The following PTPRD variants were observed in gnomAD, a reference collection of about 807,000 sequenced individuals.
PTPRD encodes protein tyrosine phosphatase receptor type D, also known as receptor-type tyrosine-protein phosphatase delta.
In PTPRD, 34 loss-of-function variants were observed where a neutral mutation model predicts 214.5. The observed-to-expected ratio is 0.16, with a 90% confidence interval of 0.12 to 0.21. The LOEUF is 0.21. PTPRD is among the 10% of genes least tolerant of loss of function. The probability of loss-of-function intolerance (pLI) is 1.00; values close to 1 mark genes in which losing one functional copy is unlikely to be tolerated. For missense variants in PTPRD, 2,545 were observed against 2,398.7 expected (o/e 1.06, Z -1.27); for synonymous variants, 1,128 against 845.7 (o/e 1.33, Z -5.79).
At chr9:9,430,100 G>A (rs1168825067) in intron 8 of PTPRD, among the ~76,000 whole-genome samples, 1 of 152,162 alleles carries the variant, frequency 6.6e-6, no homozygotes, top group East Asian at 1.9e-4. Context: ...TAGGAAAAGA[G>A]GAAGTCAAAC....
At chr9:9,233,957 T>C (rs547179036) in intron 9 of PTPRD, among the ~76,000 whole-genome samples, 38 of 152,282 alleles carry the variant, frequency 2.5e-4, no homozygotes, top group Middle Eastern at 3.4e-3. Context: ...GGATCTAGCA[T>C]CCTGGGGTCT....
At chr9:10,124,132 C>G (rs147131261) in intron 3 of PTPRD, among the ~76,000 whole-genome samples, 1 of 152,070 alleles carries the variant, frequency 6.6e-6, no homozygotes, top group Non-Finnish European at 1.5e-5. Context: ...AGGAACCTGA[C>G]GGTCTCTTTT....
chr9:10,198,763 T>C (rs1158881954), intron 3 of PTPRD, among the ~76,000 whole-genome samples: 3 of 152,134 alleles, frequency 2.0e-5, no homozygotes, highest in Non-Finnish European at 4.4e-5. Context: ...AATGAATCCA[T>C]TATTCCCAGT....
At position 9,351,152 on chromosome 9, in the gene PTPRD, G is replaced by C. The variant is rs545375697; in HGVS notation, c.-203+46297C>G. ...TATTCCCACCACCGAGCTTTTCTTA[G>C]AAGGGCTGTTAACAAGAAACCAAAT... On this transcript the variant is annotated intron_variant, in intron 9 of 45. Coordinates refer to ENST00000381196, the MANE Select transcript of PTPRD (RefSeq NM_002839.4). Among the ~76,000 whole-genome samples, 52 of 152,120 alleles carry C rather than the reference G, an allele frequency of 3.4e-4. No individual in the cohort carries two copies. In the Middle Eastern group the frequency reaches 0.014, roughly 40 times the overall value.
intron 35 of PTPRD, among the ~76,000 whole-genome samples, chr9:8,408,137 A>G (rs1280123393): frequency 6.6e-6 from 1 of 152,178 alleles, no homozygotes; most frequent in Non-Finnish European, 1.5e-5. Flanking sequence ...GATGGCCAAA[A>G]TGAAGAAAGA....
intron 8 of PTPRD, among the ~76,000 whole-genome samples, chr9:9,565,630 C>T (rs756014762): frequency 6.6e-5 from 10 of 151,800 alleles, no homozygotes; most frequent in Non-Finnish European, 5.9e-5. Context: ...AATAGCCACA[C>T]GTTCAGAAAT....
In PTPRD at chr9:8,317,952, A is replaced by T. The variant is rs1823063343; in HGVS notation, c.5671-10T>A. 1 of 1,611,100 alleles carries T rather than the reference A, an allele frequency of 6.2e-7. No individual in the cohort carries two copies. The highest frequency in any genetic ancestry group is 8.5e-7 in the Non-Finnish European group (1 of 1,177,976). On this transcript the variant is annotated splice_polypyrimidine_tract_variant and intron_variant, in intron 45 of 45. Transcript: ENST00000381196. ...AAAACTGATATTGATCCTGCAGGAG[A>T]CAATGAATGGGGAGAAGCAAAAGAA... is the stretch of plus-strand genomic sequence containing the variant.
intron 5 of PTPRD, among the ~76,000 whole-genome samples, chr9:9,892,548 A>G (rs1010870403): frequency 4.6e-5 from 7 of 152,142 alleles, no homozygotes; most frequent in African/African-American, 1.7e-4. Flanking sequence ...ATGTTGGCTT[A>G]CTAGTAAGAT....
At chr9:10,488,240 G>A (rs976445445) in intron 2 of PTPRD, among the ~76,000 whole-genome samples, 8 of 151,746 alleles carry the variant, frequency 5.3e-5, no homozygotes, top group Admixed American at 2.0e-4. Flanking sequence ...GGTGGCGGGC[G>A]CCTGTAGTCC....
At chr9:10,081,388 T>C (rs980335452) in intron 3 of PTPRD, among the ~76,000 whole-genome samples, 2 of 152,006 alleles carry the variant, frequency 1.3e-5, no homozygotes, top group African/African-American at 4.8e-5. Flanking sequence ...TCCAATTTTG[T>C]ATGTTGATAT....
chr9:9,879,721 T>C (rs2068038073), intron 5 of PTPRD, among the ~76,000 whole-genome samples: 2 of 152,152 alleles, frequency 1.3e-5, no homozygotes, highest in Admixed American at 1.3e-4. Flanking sequence ...AGGTGAGATG[T>C]CTCTGAGATA....
At chr9:8,474,979 C>G (rs1254696263) in intron 30 of PTPRD, among the ~76,000 whole-genome samples, 1 of 152,098 alleles carries the variant, frequency 6.6e-6, no homozygotes, top group African/African-American at 2.4e-5. Flanking sequence ...CCATTTGATC[C>G]CATCACTTAG....
intron 11 of PTPRD, among the ~76,000 whole-genome samples, chr9:8,978,325 C>G (rs765020114): frequency 5.9e-5 from 9 of 152,086 alleles, no homozygotes; most frequent in Non-Finnish European, 1.0e-4. Flanking sequence ...GTGTAAGTCC[C>G]TTATCAGTTC....
chr9:8,355,556 T>G (rs551642112), intron 39 of PTPRD, among the ~76,000 whole-genome samples: 1 of 152,174 alleles, frequency 6.6e-6, no homozygotes, highest in Non-Finnish European at 1.5e-5. Context: ...TTGCCTCTCA[T>G]GCAGAATAAT....
At chr9:9,944,590 T>C (rs1395406829) in intron 4 of PTPRD, among the ~76,000 whole-genome samples, 2 of 151,762 alleles carry the variant, frequency 1.3e-5, no homozygotes, top group Non-Finnish European at 2.9e-5. Flanking sequence ...AAAAAGGGAG[T>C]CAGGCATGTG....
intron 39 of PTPRD, among the ~76,000 whole-genome samples, chr9:8,353,770 C>T (rs1392772361): frequency 6.7e-6 from 1 of 150,374 alleles, no homozygotes; most frequent in Non-Finnish European, 1.5e-5. Flanking sequence ...CTTTTGCCTA[C>T]TCACATTCGT....
intron 2 of PTPRD, among the ~76,000 whole-genome samples, chr9:10,371,857 A>G (rs1390324568): frequency 1.3e-5 from 2 of 152,056 alleles, no homozygotes; most frequent in Admixed American, 6.6e-5. Flanking sequence ...ACTGCCTTGT[A>G]CCTCTCACTG....
chr9:8,848,143 A>C (rs2154540440), intron 11 of PTPRD, among the ~76,000 whole-genome samples: 1 of 152,062 alleles, frequency 6.6e-6, no homozygotes, highest in Middle Eastern at 3.4e-3. Flanking sequence ...GAATAGGATA[A>C]AATTTTAGAG....
chr9:10,359,536 C>A (rs2097337982), intron 2 of PTPRD, among the ~76,000 whole-genome samples: 1 of 152,018 alleles, frequency 6.6e-6, no homozygotes, highest in Admixed American at 6.6e-5. Flanking sequence ...TTTTCAGTAA[C>A]AAGAAGATTT....
Sources: allele counts gnomAD v4.1 joint callset (sites outside exome capture counted in the v4.1 genomes callset), GRCh38; gene constraint gnomAD v4.1.1; transcripts MANE v1.5; gene names NCBI Gene and HGNC (gene_info 2026-07-23, HGNC 2026-07-21).